The following HTR3B variants were observed in gnomAD, a reference collection of about 807,000 sequenced individuals.
The protein encoded by HTR3B is 5-hydroxytryptamine (serotonin) receptor 3B, ionotropic.
HTR3B carries 44 observed loss-of-function variants against 42.8 expected under a neutral mutation model. The observed-to-expected ratio is 1.03, with a 90% CI of 0.81 to 1.32. The LOEUF (loss-of-function observed/expected upper bound fraction) is 1.32. Ranked by LOEUF, HTR3B falls within the 40% of genes most tolerant of loss-of-function variation. The pLI is 0.00. For missense variants in HTR3B, 527 were observed against 536.5 expected, an observed-to-expected ratio of 0.98 and a Z score of 0.17; for synonymous variants, 203 against 209.0, an observed-to-expected ratio of 0.97 and a Z score of 0.25.
Position 113,924,372 on chromosome 11 carries a change from T to C in HTR3B, c.214-7012T>C, listed in dbSNP as rs1473770662. ...GGCTCACACCTGTAATCCTAGCACT[T>C]TGGGAGGCCAAGGTGGGAGGACTGC... is the stretch of plus-strand genomic sequence containing the variant. On this transcript the variant is annotated intron_variant, in intron 2 of 8. Coordinates refer to ENST00000260191, the MANE Select transcript of HTR3B (RefSeq NM_006028.5). 3.9e-5 allele frequency among the ~76,000 whole-genome samples: 6 copies of C among 152,092 alleles called. No homozygotes were observed. In the East Asian group the frequency reaches 1.2e-3, roughly 29 times the overall value.
rs940360687 is a variant in HTR3B at position 113,905,131 on chromosome 11, T to C, written c.52+146T>C. ...AAAATGCCAGTCCTGTGAAGCTATA[T>C]GGAAAACAATGATTTGTTTGTGACT... On this transcript the variant is annotated intron_variant, in intron 1 of 8. Transcript: ENST00000260191. The C allele has an allele frequency of 3.1e-5, 19 of 611,430 alleles. No individual in the cohort carries two copies. The South Asian group carries it at 3.3e-4, about 11-fold the overall frequency. The allele number at this position is 611,430 out of a possible 1,614,324, so 37.9% of individuals were successfully genotyped here. A position where few individuals can be genotyped will look rare whatever the true frequency, so the allele number is the denominator to read the frequency against.
At chr11:113,927,006 A>G (rs1034388116) in intron 2 of HTR3B, among the ~76,000 whole-genome samples, 1 of 152,206 alleles carries the variant, frequency 6.6e-6, no homozygotes, top group African/African-American at 2.4e-5. Flanking sequence ...CCTGGTGACT[A>G]ATGATGGTGA....
At chr11:113,913,681 A>C (rs1321228031) in intron 2 of HTR3B, among the ~76,000 whole-genome samples, 1 of 145,388 alleles carries the variant, frequency 6.9e-6, no homozygotes, top group African/African-American at 2.6e-5. Context: ...CACCCGGCTA[A>C]TTTTTCTATT....
chr11:113,907,437 A>T (rs747910154), intron 1 of HTR3B, among the ~76,000 whole-genome samples: 13 of 152,208 alleles, frequency 8.5e-5, no homozygotes, highest in African/African-American at 1.2e-4. Flanking sequence ...ATTTGCATTC[A>T]TAGTAGAAAT....
At chr11:113,919,691 G>A (rs1487777687) in intron 2 of HTR3B, among the ~76,000 whole-genome samples, 2 of 151,960 alleles carry the variant, frequency 1.3e-5, no homozygotes, top group Non-Finnish European at 2.9e-5. Context: ...AGCCGGGCAT[G>A]GTGGCACATG....
At chr11:113,924,622 C>G (rs1415013051) in intron 2 of HTR3B, among the ~76,000 whole-genome samples, 1 of 44,972 alleles carries the variant, frequency 2.2e-5, no homozygotes, top group Non-Finnish European at 4.1e-5. Context: ...AAGACCTTGT[C>G]TCAAAAAAAA....
chr11:113,909,480 A>G, intron 2 of HTR3B, 25 bp downstream of exon 2: 1 of 1,599,478 alleles, frequency 6.3e-7, no homozygotes, highest in Non-Finnish European at 8.5e-7. Context: ...GCCCCTTCCT[A>G]TTCTTGTTAA....
chr11:113,922,712 C>T (rs892592891), intron 2 of HTR3B, among the ~76,000 whole-genome samples: 4 of 152,172 alleles, frequency 2.6e-5, no homozygotes, highest in African/African-American at 9.6e-5. Context: ...CCCGCCACTA[C>T]GCCCGGCTAA....
chr11:113,906,409 T>C (rs1168147351), intron 1 of HTR3B, among the ~76,000 whole-genome samples: 1 of 152,182 alleles, frequency 6.6e-6, no homozygotes, highest in African/African-American at 2.4e-5. Context: ...TCAATTAATC[T>C]CTTAGAGACT....
chr11:113,908,575 A>C (rs936758056), intron 1 of HTR3B, among the ~76,000 whole-genome samples: 1 of 152,232 alleles, frequency 6.6e-6, no homozygotes, highest in Non-Finnish European at 1.5e-5. Context: ...GCTGGTGCTC[A>C]TTTCTCTTGC....
chr11:113,909,200 C>T (rs1023323830), intron 1 of HTR3B, 95 bp from the exon 2 acceptor site: 1 of 942,200 alleles, frequency 1.1e-6, no homozygotes, highest in East Asian at 2.4e-5. Context: ...AAGCTATATT[C>T]TAGTAAAAGC....
chr11:113,914,754 TG>T (rs1949834911), intron 2 of HTR3B, among the ~76,000 whole-genome samples: 1 of 152,168 alleles, frequency 6.6e-6, no homozygotes. Flanking sequence ...AGGATTGTGT[TG>T]GCCTTATAAA....
At position 113,932,555 on chromosome 11, in the gene HTR3B, T is replaced by C. The variant is rs535472726; in HGVS notation, c.538+97T>C. 3.5e-5 allele frequency: 38 copies of C among 1,098,174 alleles called. No individual in the cohort carries two copies. The East Asian group carries it at 6.5e-4, about 19-fold the overall frequency. The allele number at this position is 1,098,174 out of a possible 1,614,324, so 68.0% of individuals were successfully genotyped here. A position where few individuals can be genotyped will look rare whatever the true frequency, so the allele number is the denominator to read the frequency against. On this transcript the variant is annotated intron_variant, in intron 5 of 8. Coordinates refer to ENST00000260191, the MANE Select transcript of HTR3B (RefSeq NM_006028.5). Reference sequence around the variant, plus strand: ...GGTCTATTTTATTCTTGCAGATAATTGGCTATTTAAAAATTGGAATCTCTT... The same window carrying C: ...GGTCTATTTTATTCTTGCAGATAATCGGCTATTTAAAAATTGGAATCTCTT...
At chr11:113,945,157 C>T (rs1268380534) in intron 8 of HTR3B, among the ~76,000 whole-genome samples, 1 of 152,088 alleles carries the variant, frequency 6.6e-6, no homozygotes, top group Non-Finnish European at 1.5e-5. Context: ...TTTGTTTTGA[C>T]AGAATCTCGC....
At chr11:113,910,535 G>A (rs561424835) in intron 2 of HTR3B, among the ~76,000 whole-genome samples, 10 of 151,048 alleles carry the variant, frequency 6.6e-5, no homozygotes, top group East Asian at 5.8e-4. Context: ...TTGCGTCCCC[G>A]GTTCAAGCAA....
chr11:113,919,377 C>T (rs7103572), intron 2 of HTR3B, among the ~76,000 whole-genome samples: 39,627 of 151,968 alleles, frequency 0.26, 5,286 homozygotes, highest in Middle Eastern at 0.36. Flanking sequence ...TTTAAGGTAA[C>T]CTGTTAAAAT....
chr11:113,920,621 A>C (rs1949903386), intron 2 of HTR3B, among the ~76,000 whole-genome samples: 1 of 145,252 alleles, frequency 6.9e-6, no homozygotes, highest in East Asian at 2.1e-4. Context: ...TGATCCACCC[A>C]CCTTGGCCTC....
chr11:113,947,108 T>TC lies in HTR3B; in HGVS notation c.*972dup, dbSNP rs1173768511. On this transcript the variant is annotated 3_prime_UTR_variant, in exon 9 of 9. Transcript: ENST00000260191. ...TGGAGAGAACCCAGGTGCCAAGGCT[T>TC]CTTTTTTTTTTTTTGAGGCAGAGTC... 6.7e-6 allele frequency among the ~76,000 whole-genome samples: 1 copy of TC among 149,932 alleles called. No individual in the cohort carries two copies. The highest frequency in any genetic ancestry group is 2.5e-5 in the African/African-American group (1 of 40,546).
At chr11:113,917,963 A>C (rs566826420) in intron 2 of HTR3B, among the ~76,000 whole-genome samples, 1 of 152,244 alleles carries the variant, frequency 6.6e-6, no homozygotes, top group Non-Finnish European at 1.5e-5. Flanking sequence ...TTCATCTCTG[A>C]TAATATTCCC....
Sources: allele counts gnomAD v4.1 joint callset (sites outside exome capture counted in the v4.1 genomes callset), GRCh38; gene constraint gnomAD v4.1.1; transcripts MANE v1.5; gene names NCBI Gene and HGNC (gene_info 2026-07-23, HGNC 2026-07-21).